The following UNC13C variants were observed in gnomAD, a reference collection of about 807,000 sequenced individuals.
The protein encoded by UNC13C is unc-13 homolog C.
Under a neutral mutation model 245.4 loss-of-function variants are expected in UNC13C, and 174 were observed. That is an observed-to-expected ratio of 0.71 (90% confidence interval 0.63 to 0.80). The LOEUF (loss-of-function observed/expected upper bound fraction) is 0.80, where lower values mean the gene tolerates loss of function less well. Among genes scored for constraint, UNC13C ranks in the 30% least tolerant of loss-of-function variants. UNC13C has a pLI of 0.00. For synonymous variants in UNC13C, 992 were observed against 895.1 expected, an observed-to-expected ratio of 1.11 and a Z score of -1.93; for missense variants, 2,829 against 2,602.9, an observed-to-expected ratio of 1.09 and a Z score of -1.89.
At chr15:53,954,104 C>A in the UNC13C span, among the ~76,000 whole-genome samples, 27 of 152,336 alleles carry the variant, frequency 1.8e-4, no homozygotes, top group East Asian at 4.8e-3. Context: ...GCCTGAATTT[C>A]TTGTATTCAT....
In UNC13C at chr15:54,047,869, A is replaced by G. The variant is rs554109113; in HGVS notation, c.2983+31983A>G. Among the ~76,000 whole-genome samples, 11 of 152,274 alleles carry G rather than the reference A, an allele frequency of 7.2e-5. No homozygotes were observed. The South Asian group carries it at 1.0e-3, about 14-fold the overall frequency. ...TCAATGTTTTATTATCAGCATTCAT[A>G]TTTTTTCAGGCTGAAGATTCAGGGA... On this transcript the variant is annotated intron_variant, in intron 2 of 32. Transcript: ENST00000260323.
At chr15:54,166,805 A>G (rs1188946021) in intron 4 of UNC13C, among the ~76,000 whole-genome samples, 3 of 152,206 alleles carry the variant, frequency 2.0e-5, no homozygotes, top group Non-Finnish European at 4.4e-5. Flanking sequence ...TGCAGCCTAA[A>G]AAACAGAAAC....
the UNC13C span, among the ~76,000 whole-genome samples, chr15:53,963,219 T>A: frequency 6.6e-6 from 1 of 152,150 alleles, no homozygotes; most frequent in Non-Finnish European, 1.5e-5. Flanking sequence ...CTCACACAAT[T>A]ATTTTGGGGG....
intron 17 of UNC13C, among the ~76,000 whole-genome samples, chr15:54,383,363 G>T (rs2039768539): frequency 6.6e-6 from 1 of 152,056 alleles, no homozygotes; most frequent in Admixed American, 6.6e-5. Context: ...TTATCCCAAG[G>T]ATGGTAGCAT....
intron 4 of UNC13C, among the ~76,000 whole-genome samples, chr15:54,199,554 AC>A (rs554444839): frequency 8.0e-4 from 122 of 152,276 alleles, no homozygotes; most frequent in Non-Finnish European, 1.6e-3. Context: ...CTTAAAAAAA[AC>A]AATTATAAGC....
intron 2 of UNC13C, among the ~76,000 whole-genome samples, chr15:54,111,518 C>T (rs1474696335): frequency 6.6e-6 from 1 of 152,238 alleles, no homozygotes; most frequent in East Asian, 1.9e-4. Context: ...TGCCTCAGCC[C>T]CTGAAGCCTC....
At chr15:54,127,016 C>T (rs1282713774) in intron 2 of UNC13C, among the ~76,000 whole-genome samples, 2 of 152,168 alleles carry the variant, frequency 1.3e-5, no homozygotes, top group Non-Finnish European at 2.9e-5. Context: ...TACCATCTCA[C>T]ACCAGTTAGA....
At chr15:53,908,300 G>C in the UNC13C span, among the ~76,000 whole-genome samples, 3 of 146,234 alleles carry the variant, frequency 2.1e-5, no homozygotes, top group African/African-American at 7.3e-5. Context: ...TTAGAAGAAA[G>C]ACTTAGGGAA....
chr15:54,446,769 G>A (rs1002847499), intron 19 of UNC13C, among the ~76,000 whole-genome samples: 1 of 152,120 alleles, frequency 6.6e-6, no homozygotes, highest in African/African-American at 2.4e-5. Context: ...TTTCCCAGTT[G>A]AACGCCCTTT....
chr15:54,256,856 C>T (rs1007306547), intron 8 of UNC13C, among the ~76,000 whole-genome samples: 2 of 152,168 alleles, frequency 1.3e-5, no homozygotes, highest in Non-Finnish European at 1.5e-5. Context: ...TTGTGGTTTA[C>T]GCAGTGCTAT....
Position 54,604,069 on chromosome 15 carries a change from G to A in UNC13C, c.6107-18258G>A, listed in dbSNP as rs1431952878. Among the ~76,000 whole-genome samples the A allele has an allele frequency of 2.0e-5, 3 of 152,168 alleles. No homozygotes were observed. In the East Asian group the frequency reaches 5.8e-4, roughly 29 times the overall value. ...TTCCAGGCCTTGATCTGCCTCTGAC[G>A]CTTTCACCCTCAGCTTGTTGATGTG... On this transcript the variant is annotated intron_variant, in intron 30 of 32. Coordinates refer to ENST00000260323, the MANE Select transcript of UNC13C (RefSeq NM_001080534.3).
At chr15:54,584,916 A>G (rs537464520) in intron 30 of UNC13C, among the ~76,000 whole-genome samples, 1 of 152,242 alleles carries the variant, frequency 6.6e-6, no homozygotes, top group African/African-American at 2.4e-5. Context: ...ATTTTCCACT[A>G]ATCAGCCCAC....
chr15:54,040,349 C>T (rs73416921), intron 2 of UNC13C, among the ~76,000 whole-genome samples: 2,744 of 152,180 alleles, frequency 0.018, 74 homozygotes, highest in African/African-American at 0.063. Context: ...AGAACCCTGA[C>T]CTTGCTACTT....
the UNC13C span, among the ~76,000 whole-genome samples, chr15:53,965,009 GT>G: frequency 2.6e-5 from 4 of 152,044 alleles, no homozygotes; most frequent in African/African-American, 7.2e-5. Context: ...GATTCTATAA[GT>G]TTTCTTCTCT....
intron 11 of UNC13C, among the ~76,000 whole-genome samples, chr15:54,294,391 C>T (rs1406323694): frequency 2.0e-5 from 3 of 151,976 alleles, no homozygotes; most frequent in Admixed American, 6.6e-5. Flanking sequence ...AAACAAATAA[C>T]CTATTATTTA....
chr15:54,465,577 A>G lies in UNC13C; in HGVS notation c.4934-29031A>G, dbSNP rs115836190. 5.3e-3 allele frequency among the ~76,000 whole-genome samples: 811 copies of G among 152,160 alleles called. 9 individuals are homozygous for G. The highest frequency in any genetic ancestry group is 0.019 in the African/African-American group (772 of 41,548). On this transcript the variant is annotated intron_variant, in intron 19 of 32. Transcript: ENST00000260323. Reference sequence around the variant, plus strand: ...TGAGAATTTGAAGCTACATTTAAGTAAAATGATGACTATGGCTGAGGCTAG... The same window carrying G: ...TGAGAATTTGAAGCTACATTTAAGTGAAATGATGACTATGGCTGAGGCTAG...
intron 2 of UNC13C, among the ~76,000 whole-genome samples, chr15:54,139,181 G>A (rs1265964515): frequency 6.6e-6 from 1 of 151,234 alleles, no homozygotes; most frequent in Non-Finnish European, 1.5e-5. Flanking sequence ...GCTGGTCTCA[G>A]ACTCCTGACC....
intron 2 of UNC13C, among the ~76,000 whole-genome samples, chr15:54,061,676 A>C (rs1897841950): frequency 6.6e-6 from 1 of 152,182 alleles, no homozygotes; most frequent in African/African-American, 2.4e-5. Context: ...GTTTCTCAAC[A>C]TGGTGCAAGA....
chr15:54,492,161 A>G (rs1893744174), intron 19 of UNC13C, among the ~76,000 whole-genome samples: 2 of 152,200 alleles, frequency 1.3e-5, no homozygotes, highest in East Asian at 3.8e-4. Context: ...CGTATTCCAA[A>G]CACACATTTG....
Sources: gnomAD v4.1 joint callset for allele counts (sites outside exome capture counted in the v4.1 genomes callset) on GRCh38, gnomAD v4.1.1 for gene constraint, MANE v1.5 for transcripts, NCBI Gene and HGNC (gene_info 2026-07-23, HGNC 2026-07-21) for gene names.